SCMH1: variants seen among roughly 807,000 people sequenced by gnomAD.
SCMH1 encodes the protein polycomb protein SCMH1.
A neutral mutation model predicts 70.8 loss-of-function variants in SCMH1; 37 were observed. The observed-to-expected ratio is 0.52, with a 90% confidence interval of 0.40 to 0.69. The LOEUF is 0.69. SCMH1 is among the 30% of genes least tolerant of loss of function. SCMH1 has a pLI of 0.00. For synonymous variants in SCMH1, 292 were observed against 307.4 expected, an observed-to-expected ratio of 0.95 and a Z score of 0.52; for missense variants, 607 against 827.3, an observed-to-expected ratio of 0.73 and a Z score of 3.27.
chr1:41,104,215 C>A (rs147876661), intron 8 of SCMH1, among the ~76,000 whole-genome samples: 3 of 152,286 alleles, frequency 2.0e-5, no homozygotes, highest in East Asian at 3.9e-4. Context: ...TTGTCTATAA[C>A]CTCCAGTGAA....
chr1:41,177,407 T>G (rs1647272711), intron 2 of SCMH1, among the ~76,000 whole-genome samples: 1 of 152,128 alleles, frequency 6.6e-6, no homozygotes, highest in Non-Finnish European at 1.5e-5. Flanking sequence ...TTTGATGAGT[T>G]GAGAGAAGAA....
intron 6 of SCMH1, among the ~76,000 whole-genome samples, chr1:41,134,183 C>T (rs1475166407): frequency 2.6e-5 from 4 of 152,098 alleles, no homozygotes; most frequent in African/African-American, 9.7e-5. Context: ...TGACAAACAC[C>T]ACATGATTAT....
chr1:41,177,505 A>C (rs1647301533), intron 2 of SCMH1, among the ~76,000 whole-genome samples: 1 of 152,168 alleles, frequency 6.6e-6, no homozygotes, highest in Non-Finnish European at 1.5e-5. Flanking sequence ...AAATTAGATG[A>C]ATGGCTAACT....
At chr1:41,106,481 C>A (rs527301642) in intron 8 of SCMH1, among the ~76,000 whole-genome samples, 3 of 151,734 alleles carry the variant, frequency 2.0e-5, no homozygotes, top group Non-Finnish European at 4.4e-5. Flanking sequence ...AACTCTAAGC[C>A]AATTAAACCT....
At chr1:41,091,316 C>G (rs1189228973) in intron 8 of SCMH1, among the ~76,000 whole-genome samples, 1 of 152,072 alleles carries the variant, frequency 6.6e-6, no homozygotes, top group Non-Finnish European at 1.5e-5. Flanking sequence ...GCAGAAAAGG[C>G]CTTCGACAAA....
At chr1:41,128,537 C>A (rs1437674947) in intron 6 of SCMH1, among the ~76,000 whole-genome samples, 2 of 152,028 alleles carry the variant, frequency 1.3e-5, no homozygotes. Flanking sequence ...ATTCTTTGTT[C>A]TTCTATATAT....
intron 6 of SCMH1, among the ~76,000 whole-genome samples, chr1:41,119,062 G>A (rs1369736759): frequency 6.6e-6 from 1 of 152,186 alleles, no homozygotes; most frequent in East Asian, 1.9e-4. Context: ...AATTGCTTAA[G>A]ATTTCAAAGT....
exon 15 of SCMH1, chr1:41,027,902 ACTC>A (rs767717157): frequency 2.1e-5 from 8 of 388,308 alleles, no homozygotes; most frequent in Non-Finnish European, 3.3e-5. Flanking sequence ...TTCAGCCTAA[ACTC>A]CTGGTGAGAG....
chr1:41,111,873 C>T (rs531654699), intron 8 of SCMH1, among the ~76,000 whole-genome samples: 1 of 152,268 alleles, frequency 6.6e-6, no homozygotes, highest in African/African-American at 2.4e-5. Flanking sequence ...CAAGTTTCCC[C>T]TCTACAAAGA....
intron 2 of SCMH1, chr1:41,162,706 G>T (rs1646136765): frequency 6.6e-6 from 1 of 152,254 alleles, no homozygotes. Flanking sequence ...AACTGCAGAA[G>T]ATGGGATGAC....
At chr1:41,032,657 T>A (rs968598137) in intron 13 of SCMH1, among the ~76,000 whole-genome samples, 1 of 152,016 alleles carries the variant, frequency 6.6e-6, no homozygotes, top group African/African-American at 2.4e-5. Context: ...GGTAACAGAC[T>A]TCAGGGGGAC....
chr1:41,055,165 A>G (rs972265193), intron 10 of SCMH1, among the ~76,000 whole-genome samples: 5 of 152,188 alleles, frequency 3.3e-5, no homozygotes, highest in African/African-American at 1.2e-4. Context: ...ATGGTACAAA[A>G]TGGAAAAAAT....
At chr1:41,149,018 C>G (rs1052739993) in intron 5 of SCMH1, among the ~76,000 whole-genome samples, 1 of 152,116 alleles carries the variant, frequency 6.6e-6, no homozygotes, top group African/African-American at 2.4e-5. Flanking sequence ...GTCTTAATCT[C>G]CTGACTTCAC....
chr1:41,158,209 T>C (rs1572707188), intron 4 of SCMH1, among the ~76,000 whole-genome samples: 2 of 152,212 alleles, frequency 1.3e-5, no homozygotes, highest in African/African-American at 4.8e-5. Flanking sequence ...CAAATATTTA[T>C]AGTGTGTGTC....
At chr1:41,226,928 A>C (rs1343282689) in intron 1 of SCMH1, among the ~76,000 whole-genome samples, 1 of 152,208 alleles carries the variant, frequency 6.6e-6, no homozygotes, top group Non-Finnish European at 1.5e-5. Context: ...CATTCTAGGC[A>C]GAGGGAACAA....
At chr1:41,179,591 C>T (rs1003394484) in intron 2 of SCMH1, among the ~76,000 whole-genome samples, 28 of 152,252 alleles carry the variant, frequency 1.8e-4, no homozygotes, top group Admixed American at 3.9e-4. Flanking sequence ...AACACCTCTA[C>T]GCAAATAAAC....
intron 6 of SCMH1, among the ~76,000 whole-genome samples, chr1:41,137,443 GCA>G (rs144740952): frequency 6.6e-6 from 1 of 151,160 alleles, no homozygotes; most frequent in Admixed American, 6.6e-5. Context: ...GCATACATAT[GCA>G]CACACACACA....
At chr1:41,176,985 G>A (rs544993545) in intron 2 of SCMH1, among the ~76,000 whole-genome samples, 2 of 152,170 alleles carry the variant, frequency 1.3e-5, no homozygotes, top group Admixed American at 6.5e-5. Flanking sequence ...TAGCCTAACT[G>A]GGAGGCACCC....
chr1:41,212,031 G>A (rs1657144564), intron 1 of SCMH1, among the ~76,000 whole-genome samples: 1 of 152,146 alleles, frequency 6.6e-6, no homozygotes, highest in African/African-American at 2.4e-5. Context: ...TAGGGAGCTG[G>A]GGGAGGGATA....
Sources: allele counts gnomAD v4.1 joint callset (sites outside exome capture counted in the v4.1 genomes callset), GRCh38; gene constraint gnomAD v4.1.1; transcripts MANE v1.5; gene names NCBI Gene and HGNC (gene_info 2026-07-23, HGNC 2026-07-21).